RAB38: variants seen among roughly 807,000 people sequenced by gnomAD.
The protein encoded by RAB38 is RAB38, member RAS oncogene family, also known as ras-related protein Rab-38.
Under a neutral mutation model 18.4 loss-of-function variants are expected in RAB38, and 15 were observed. The ratio of observed to expected loss-of-function variants is 0.82; its 90% confidence interval spans 0.55 to 1.26. RAB38 has a LOEUF of 1.26. Ranked by LOEUF, RAB38 falls within the 50% of genes most tolerant of loss-of-function variation. The pLI, the probability that RAB38 is intolerant of heterozygous loss-of-function variation, is 0.00. For synonymous variants in RAB38, 101 were observed against 104.4 expected (o/e 0.97, Z 0.20); for missense variants, 294 against 267.4 (o/e 1.10, Z -0.69).
At chr11:87,819,358 G>A in the RAB38 span, among the ~76,000 whole-genome samples, 1 of 152,136 alleles carries the variant, frequency 6.6e-6, no homozygotes, top group Admixed American at 6.6e-5. Flanking sequence ...GCTACCAAGT[G>A]TGTGATTCAT....
At chr11:88,128,187 T>C (rs1942727292) in intron 2 of RAB38, among the ~76,000 whole-genome samples, 1 of 152,220 alleles carries the variant, frequency 6.6e-6, no homozygotes, top group Non-Finnish European at 1.5e-5. Flanking sequence ...TTGGTCACTA[T>C]GAGCAGATTA....
chr11:87,912,752 A>AT, the RAB38 span, among the ~76,000 whole-genome samples: 1 of 63,240 alleles, frequency 1.6e-5, no homozygotes. Flanking sequence ...CTTTGGGTTT[A>AT]ATTTTCTTTC....
At chr11:88,078,501 A>ATGTGTG in the RAB38 span, among the ~76,000 whole-genome samples, 1 of 148,682 alleles carries the variant, frequency 6.7e-6, no homozygotes, top group African/African-American at 2.5e-5. Flanking sequence ...GTGTGTATAT[A>ATGTGTG]TGTGTGTGTG....
At chr11:87,903,464 A>G in the RAB38 span, among the ~76,000 whole-genome samples, 1,432 of 151,534 alleles carry the variant, frequency 9.5e-3, 28 homozygotes, top group African/African-American at 0.033. Context: ...TGACTTATTC[A>G]TGTTTTGTAA....
chr11:88,132,136 C>A (rs980065323), intron 2 of RAB38, among the ~76,000 whole-genome samples: 7 of 152,202 alleles, frequency 4.6e-5, no homozygotes, highest in Non-Finnish European at 1.0e-4. Context: ...CCAACCTGTG[C>A]TAGGACTACT....
At chr11:87,921,588 C>A in the RAB38 span, among the ~76,000 whole-genome samples, 1 of 148,568 alleles carries the variant, frequency 6.7e-6, no homozygotes, top group South Asian at 2.1e-4. Flanking sequence ...TATATATACA[C>A]ATTTAGATAT....
chr11:88,076,321 C>A, the RAB38 span, among the ~76,000 whole-genome samples: 1 of 151,950 alleles, frequency 6.6e-6, no homozygotes, highest in Non-Finnish European at 1.5e-5. Context: ...TAATATTGTA[C>A]CGAATGGAAA....
At chr11:87,822,630 C>A in the RAB38 span, among the ~76,000 whole-genome samples, 1 of 152,160 alleles carries the variant, frequency 6.6e-6, no homozygotes, top group Non-Finnish European at 1.5e-5. Context: ...CCAGGGCAAG[C>A]AATCCAAAAG....
chr11:87,925,930 G>A, the RAB38 span, among the ~76,000 whole-genome samples: 2 of 151,736 alleles, frequency 1.3e-5, no homozygotes, highest in South Asian at 2.1e-4. Flanking sequence ...TACCTGCCAC[G>A]CTACGATCAG....
At chr11:88,027,551 C>G in the RAB38 span, among the ~76,000 whole-genome samples, 3 of 152,228 alleles carry the variant, frequency 2.0e-5, no homozygotes, top group Admixed American at 6.5e-5. Context: ...CCTTAAAAAA[C>G]GGCGCACCAG....
the RAB38 span, among the ~76,000 whole-genome samples, chr11:87,887,970 A>G: frequency 1.3e-5 from 2 of 151,902 alleles, no homozygotes; most frequent in South Asian, 2.1e-4. Flanking sequence ...CATCAAGGGC[A>G]TTAGTGATGC....
At chr11:88,053,089 A>ATC in the RAB38 span, among the ~76,000 whole-genome samples, 2 of 134,392 alleles carry the variant, frequency 1.5e-5, no homozygotes, top group Non-Finnish European at 1.5e-5. Context: ...TATATGGAAT[A>ATC]TATATTATAT....
At chr11:88,033,065 A>T in the RAB38 span, among the ~76,000 whole-genome samples, 1 of 152,198 alleles carries the variant, frequency 6.6e-6, no homozygotes, top group Non-Finnish European at 1.5e-5. Flanking sequence ...TGATGAGTTC[A>T]TGTCCTTTGT....
the RAB38 span, among the ~76,000 whole-genome samples, chr11:88,098,370 G>A: frequency 9.9e-5 from 15 of 152,056 alleles, no homozygotes; most frequent in Non-Finnish European, 1.3e-4. Context: ...GAAAACTTAA[G>A]TCTATATTGC....
At chr11:88,013,886 G>A in the RAB38 span, among the ~76,000 whole-genome samples, 9 of 152,238 alleles carry the variant, frequency 5.9e-5, no homozygotes, top group East Asian at 9.7e-4. Flanking sequence ...AGAGCACATC[G>A]CAGTACCCTT....
At chr11:87,812,433 C>T in the RAB38 span, among the ~76,000 whole-genome samples, 1 of 152,130 alleles carries the variant, frequency 6.6e-6, no homozygotes, top group African/African-American at 2.4e-5. Context: ...AAAGTCAACA[C>T]ATTCAGTTTC....
At chr11:87,888,239 C>T in the RAB38 span, among the ~76,000 whole-genome samples, 1 of 151,890 alleles carries the variant, frequency 6.6e-6, no homozygotes, top group Non-Finnish European at 1.5e-5. Context: ...GAGGCAATGA[C>T]TAGTAGTTAC....
Position 88,114,145 on chromosome 11 carries a change from G to A in RAB38, c.484-5C>T, listed in dbSNP as rs772044508. On this transcript the variant is annotated splice_polypyrimidine_tract_variant and splice_region_variant and intron_variant, in intron 2 of 2. Transcript: ENST00000243662. ...TTCATCAATGTTTATATTTTCCTATGAGGGAAAAAATAAAACAGCTTTTCT... is the reference window on the plus strand; with the variant it reads ...TTCATCAATGTTTATATTTTCCTATAAGGGAAAAAATAAAACAGCTTTTCT... 1.2e-5 allele frequency: 19 copies of A among 1,613,602 alleles called. No individual in the cohort carries two copies. Among genetic ancestry groups the A allele is most frequent in the Admixed American group, 1.7e-5 (1 of 59,962 alleles).
chr11:88,111,465 C>T (rs1475643041), downstream of RAB38, among the ~76,000 whole-genome samples: 1 of 152,126 alleles, frequency 6.6e-6, no homozygotes, highest in Admixed American at 6.5e-5. Context: ...TTATTGGAAC[C>T]CTTACTATGT....
Sources: allele counts gnomAD v4.1 joint callset (sites outside exome capture counted in the v4.1 genomes callset), GRCh38; gene constraint gnomAD v4.1.1; transcripts MANE v1.5; gene names NCBI Gene and HGNC (gene_info 2026-07-23, HGNC 2026-07-21).